RPS6KA6: variants seen among roughly 807,000 people sequenced by gnomAD.
RPS6KA6 encodes the protein ribosomal protein S6 kinase alpha-6.
Under a neutral mutation model 65.4 loss-of-function variants are expected in RPS6KA6, and 27 were observed. That is an observed-to-expected ratio of 0.41 (90% CI 0.30 to 0.57). The LOEUF (loss-of-function observed/expected upper bound fraction) is 0.57. RPS6KA6 is among the 20% of genes least tolerant of loss of function. The pLI is 0.24. For synonymous variants in RPS6KA6, 190 were observed against 184.2 expected, an observed-to-expected ratio of 1.03 and a Z score of -0.26; for missense variants, 486 against 555.6, an observed-to-expected ratio of 0.87 and a Z score of 1.26.
chrX:84,107,493 C>T (rs1207883970), intron 13 of RPS6KA6, 130 bp downstream of exon 13: 1 of 402,273 alleles, frequency 2.5e-6, no homozygotes, highest in African/African-American at 2.6e-5. Context: ...TGTATAGGAT[C>T]CATATTTCCC....
chrX:84,163,212 A>G (rs2035541179), intron 2 of RPS6KA6, among the ~76,000 whole-genome samples: 1 of 112,154 alleles, frequency 8.9e-6, no homozygotes, highest in Non-Finnish European at 1.9e-5. Flanking sequence ...AAGGAAGCAT[A>G]CTGCCCTAAG....
chrX:84,139,636 T>C (rs1278426467), intron 6 of RPS6KA6, among the ~76,000 whole-genome samples: 2 of 111,727 alleles, frequency 1.8e-5, no homozygotes, highest in Middle Eastern at 8.4e-3. Flanking sequence ...CATTCTACAC[T>C]GTAAATTCTG....
intron 20 of RPS6KA6, among the ~76,000 whole-genome samples, chrX:84,095,628 TATTAG>T (rs3838211): frequency 0.54 from 59,581 of 109,384 alleles, 13,543 homozygotes; most frequent in Non-Finnish European, 0.71. Context: ...ATTTTGGATA[TATTAG>T]ATTAAACAAC....
At chrX:84,081,847 CAT>C (rs1243849140) in intron 20 of RPS6KA6, among the ~76,000 whole-genome samples, 5 of 112,108 alleles carry the variant, frequency 4.5e-5, no homozygotes, top group African/African-American at 1.3e-4. Flanking sequence ...ACAAAAACCA[CAT>C]GATTATCTTA....
intron 1 of RPS6KA6, among the ~76,000 whole-genome samples, chrX:84,166,407 GA>G (rs1053654354): frequency 1.8e-5 from 2 of 110,074 alleles, no homozygotes; most frequent in Non-Finnish European, 3.8e-5. Flanking sequence ...TAGAAACTAT[GA>G]AAAAAAACAA....
intron 12 of RPS6KA6, among the ~76,000 whole-genome samples, chrX:84,108,158 C>T (rs185178471): frequency 9.0e-6 from 1 of 111,636 alleles, no homozygotes; most frequent in African/African-American, 3.3e-5. Flanking sequence ...AAAATTTAGT[C>T]GTCTAACAAT....
chrX:84,180,912 T>C (rs1044881690), intron 1 of RPS6KA6, among the ~76,000 whole-genome samples: 2 of 112,114 alleles, frequency 1.8e-5, no homozygotes, highest in African/African-American at 6.5e-5. Context: ...TGCATGTATC[T>C]TTCTATTCTG....
chrX:84,165,645 T>G (rs1602480139), intron 1 of RPS6KA6, among the ~76,000 whole-genome samples: 1 of 111,276 alleles, frequency 9.0e-6, no homozygotes, highest in South Asian at 3.8e-4. Context: ...AGATTCCCCA[T>G]GTACACACTT....
chrX:84,153,116 G>A (rs1354710082), intron 3 of RPS6KA6, among the ~76,000 whole-genome samples: 2 of 111,322 alleles, frequency 1.8e-5, no homozygotes, highest in Non-Finnish European at 3.8e-5. Context: ...ACCAACTTCA[G>A]GAAATTTTAA....
chrX:84,089,884 T>C (rs1295190353), intron 20 of RPS6KA6, among the ~76,000 whole-genome samples: 1 of 112,371 alleles, frequency 8.9e-6, no homozygotes, highest in Non-Finnish European at 1.9e-5. Context: ...CTGCACCTAC[T>C]TATAGTTGGC....
intron 20 of RPS6KA6, among the ~76,000 whole-genome samples, chrX:84,067,095 C>T (rs1163630793): frequency 2.7e-5 from 3 of 111,946 alleles, no homozygotes; most frequent in Admixed American, 9.5e-5. Flanking sequence ...ACAAAAATAA[C>T]TCCCACACAA....
intron 1 of RPS6KA6, among the ~76,000 whole-genome samples, chrX:84,167,541 G>A (rs1366367532): frequency 9.0e-6 from 1 of 111,210 alleles, no homozygotes; most frequent in Non-Finnish European, 1.9e-5. Context: ...TGGGGGTAGA[G>A]GAAGACGAGT....
At position 84,174,459 on chromosome X, in the gene RPS6KA6, G is replaced by C. The variant is rs760112755; in HGVS notation, c.82-10072C>G. On this transcript the variant is annotated intron_variant, in intron 1 of 21. Coordinates refer to ENST00000262752, the MANE Select transcript of RPS6KA6 (RefSeq NM_014496.5). ...ATGTCTTTTTTTTAAAAGAGTCTCA[G>C]AATGGGACAAGAGTATACAGCCTCC... Among the ~76,000 whole-genome samples, 52 of 111,379 alleles carry C rather than the reference G, an allele frequency of 4.7e-4. 1 individual carries two copies. The highest frequency in any genetic ancestry group is 8.5e-4 in the Non-Finnish European group (45 of 53,033).
At chrX:84,166,816 TGAA>T (rs1427555009) in intron 1 of RPS6KA6, among the ~76,000 whole-genome samples, 1 of 111,573 alleles carries the variant, frequency 9.0e-6, no homozygotes, top group Non-Finnish European at 1.9e-5. Context: ...TTTGATGTGA[TGAA>T]GAACTTTTAA....
At chrX:84,134,945 A>C (rs2034966606) in intron 7 of RPS6KA6, 126 bp from the exon 8 acceptor site, 1 of 597,219 alleles carries the variant, frequency 1.7e-6, no homozygotes, top group Middle Eastern at 4.6e-4. Flanking sequence ...TAAATGATTA[A>C]CTTAAAGTCA....
chrX:84,097,842 T>C lies in RPS6KA6; in HGVS notation c.1783A>G (p.Met595Val). The C allele has an allele frequency of 8.5e-7, 1 of 1,170,952 alleles. No individual in the cohort carries two copies. Among genetic ancestry groups the C allele is most frequent in the South Asian group, 1.9e-5 (1 of 53,830 alleles). Residue 595 changes from methionine to valine, a missense_variant, in exon 19 of 22, where the codon ATG becomes GTG. By Grantham distance (21) the Met-to-Val change is conservative. This residue lies in a region of RPS6KA6 where 345 missense variants were observed against 375.0 expected (regional missense o/e 0.92). Coordinates refer to ENST00000262752, the MANE Select transcript of RPS6KA6 (RefSeq NM_014496.5). ...CAAGCAGCATCATATCCCTGTTGCA[T>C]AAGAACCTAAGAAAGAAATACTCAT... ...TANFVAPEVL[M>V]QQGYDAACDI...
At chrX:84,095,919 C>T (rs897230946) in intron 20 of RPS6KA6, among the ~76,000 whole-genome samples, 1 of 111,805 alleles carries the variant, frequency 8.9e-6, no homozygotes, top group East Asian at 2.8e-4. Flanking sequence ...TAAATATACC[C>T]TGTTTCCAAA....
At chrX:84,105,732 G>C (rs2034346273) in intron 16 of RPS6KA6, 55 bp downstream of exon 16, 1 of 696,005 alleles carries the variant, frequency 1.4e-6, no homozygotes, top group Admixed American at 3.1e-5. Flanking sequence ...GAAAAATAAA[G>C]TTCCAATTCA....
chrX:84,121,111 C>G (rs1490603163), intron 8 of RPS6KA6, among the ~76,000 whole-genome samples: 2 of 112,318 alleles, frequency 1.8e-5, no homozygotes, highest in African/African-American at 6.5e-5. Flanking sequence ...TTCACACTGG[C>G]TTATCAGTGA....
Sources: allele counts gnomAD v4.1 joint callset (sites outside exome capture counted in the v4.1 genomes callset), GRCh38; gene constraint gnomAD v4.1.1; regional missense constraint gnomAD v4.1.1; transcripts MANE v1.5; gene names NCBI Gene and HGNC (gene_info 2026-07-23, HGNC 2026-07-21).